The following ZPBP variants were observed in gnomAD, a reference collection of about 807,000 sequenced individuals.
ZPBP encodes the protein zona pellucida binding protein, also known as zona pellucida-binding protein 1.
ZPBP carries 26 observed loss-of-function variants against 44.8 expected under a neutral mutation model. The observed-to-expected ratio is 0.58, with a 90% CI of 0.43 to 0.81. ZPBP has a LOEUF of 0.81. ZPBP is among the 30% of genes least tolerant of loss of function. ZPBP has a pLI of 0.00. For synonymous variants in ZPBP, 174 were observed against 153.2 expected (o/e 1.14, Z -1.00); for missense variants, 409 against 434.0 (o/e 0.94, Z 0.51).
intron 4 of ZPBP, among the ~76,000 whole-genome samples, chr7:50,045,801 A>G (rs534074659): frequency 6.6e-6 from 1 of 152,208 alleles, no homozygotes; most frequent in Non-Finnish European, 1.5e-5. Context: ...AGCTACTTTA[A>G]ATTTCATATG....
chr7:49,978,642 T>G lies in ZPBP; in HGVS notation c.961+4700A>C, dbSNP rs747689353. ...TCTGGACAGAAGTTGTTTCATGAGA[T>G]ACCTCATATATTTTGTGAGCTCATC... On this transcript the variant is annotated intron_variant, in intron 7 of 7. Transcript: ENST00000046087. 1.1e-3 allele frequency among the ~76,000 whole-genome samples: 160 copies of G among 152,152 alleles called. 2 individuals are homozygous for G. The highest frequency in any genetic ancestry group is 4.7e-4 in the Non-Finnish European group (32 of 67,912).
chr7:49,882,365 G>A (rs933070358), intron 2 of ZPBP, among the ~76,000 whole-genome samples: 1 of 152,090 alleles, frequency 6.6e-6, no homozygotes, highest in Admixed American at 6.6e-5. Flanking sequence ...AAACATATCA[G>A]TATTTCACGT....
At chr7:50,038,648 C>G (rs542580698) in intron 4 of ZPBP, among the ~76,000 whole-genome samples, 4 of 152,308 alleles carry the variant, frequency 2.6e-5, no homozygotes, top group Admixed American at 1.3e-4. Context: ...CAACTTCACC[C>G]CAGAGTTGCT....
At chr7:50,030,721 C>T (rs963808507) in intron 5 of ZPBP, among the ~76,000 whole-genome samples, 5 of 152,108 alleles carry the variant, frequency 3.3e-5, no homozygotes, top group African/African-American at 9.7e-5. Flanking sequence ...CTCTACTCCA[C>T]ATTATTAAGA....
chr7:50,051,752 T>C (rs766889552), intron 4 of ZPBP, among the ~76,000 whole-genome samples: 67 of 152,050 alleles, frequency 4.4e-4, no homozygotes, highest in Non-Finnish European at 4.0e-4. Flanking sequence ...AAGTGGGAGC[T>C]GAACAATGAG....
At chr7:50,009,922 A>C (rs974228309) in intron 6 of ZPBP, among the ~76,000 whole-genome samples, 1 of 152,136 alleles carries the variant, frequency 6.6e-6, no homozygotes, top group South Asian at 2.1e-4. Context: ...ATTACATACA[A>C]ACTTATTAAA....
intron 3 of ZPBP, among the ~76,000 whole-genome samples, chr7:50,071,366 C>A (rs1337928624): frequency 6.6e-6 from 1 of 152,116 alleles, no homozygotes; most frequent in Non-Finnish European, 1.5e-5. Context: ...AACTTGAGTG[C>A]CTGCAAACCT....
At chr7:49,922,184 T>C (rs1235803249) in intron 1 of ZPBP, among the ~76,000 whole-genome samples, 1 of 152,212 alleles carries the variant, frequency 6.6e-6, no homozygotes, top group Non-Finnish European at 1.5e-5. Context: ...GTAGCATCTA[T>C]AATATAATAT....
At chr7:50,000,772 T>C (rs563750273) in intron 6 of ZPBP, among the ~76,000 whole-genome samples, 1 of 152,314 alleles carries the variant, frequency 6.6e-6, no homozygotes, top group East Asian at 1.9e-4. Context: ...TATATTTTGA[T>C]GACCCAAGCT....
At chr7:49,870,963 C>T (rs1791124273) in intron 2 of ZPBP, among the ~76,000 whole-genome samples, 4 of 152,080 alleles carry the variant, frequency 2.6e-5, no homozygotes, top group Admixed American at 2.6e-4. Context: ...AGAAGAAGAC[C>T]CCTTTGCACA....
At chr7:49,984,839 A>G (rs1311813402) in intron 6 of ZPBP, among the ~76,000 whole-genome samples, 1 of 152,166 alleles carries the variant, frequency 6.6e-6, no homozygotes, top group Non-Finnish European at 1.5e-5. Flanking sequence ...TTTTATATAT[A>G]TGCAAATACA....
intron 4 of ZPBP, among the ~76,000 whole-genome samples, chr7:50,038,895 T>C (rs1380354304): frequency 6.6e-6 from 1 of 152,194 alleles, no homozygotes; most frequent in Non-Finnish European, 1.5e-5. Flanking sequence ...ACGTGTGCAG[T>C]AAGCTATACC....
chr7:49,976,817 G>A (rs1220017898), intron 7 of ZPBP, among the ~76,000 whole-genome samples: 2 of 151,998 alleles, frequency 1.3e-5, no homozygotes, highest in South Asian at 2.1e-4. Flanking sequence ...GAAAATAAAC[G>A]TATCGGCCGG....
intron 4 of ZPBP, among the ~76,000 whole-genome samples, chr7:50,051,336 G>A (rs1221918106): frequency 2.0e-5 from 3 of 152,182 alleles, no homozygotes; most frequent in Admixed American, 6.5e-5. Context: ...CTGTTGCTGG[G>A]AGTGTAAATT....
At chr7:49,862,677 C>T (rs1790703749) in intron 2 of ZPBP, among the ~76,000 whole-genome samples, 1 of 150,532 alleles carries the variant, frequency 6.6e-6, no homozygotes, top group Non-Finnish European at 1.5e-5. Context: ...TATAATAGAT[C>T]ATTGGATTTT....
intron 4 of ZPBP, among the ~76,000 whole-genome samples, chr7:50,039,855 TACAG>T (rs143675975): frequency 0.25 from 37,284 of 151,924 alleles, 5,637 homozygotes; most frequent in Non-Finnish European, 0.35. Context: ...TACCATAAAA[TACAG>T]ACAAACAGAA....
chr7:49,897,921 A>T (rs1007501021), intron 2 of ZPBP, among the ~76,000 whole-genome samples: 3 of 152,166 alleles, frequency 2.0e-5, no homozygotes, highest in African/African-American at 7.2e-5. Context: ...CACTTCTTGC[A>T]GGGGGAGGGG....
chr7:49,912,131 A>G, intron 1 of ZPBP: 1 of 1,614,190 alleles, frequency 6.2e-7, no homozygotes, highest in Non-Finnish European at 8.5e-7. Flanking sequence ...AGGAAGGCAC[A>G]TGGAGAATCG....
At chr7:49,871,354 T>C (rs1791141450) in intron 2 of ZPBP, among the ~76,000 whole-genome samples, 1 of 152,302 alleles carries the variant, frequency 6.6e-6, no homozygotes, top group African/African-American at 2.4e-5. Context: ...GTATATCCCA[T>C]GGTTTTCTTT....
Sources: gnomAD v4.1 joint callset for allele counts (sites outside exome capture counted in the v4.1 genomes callset) on GRCh38, gnomAD v4.1.1 for gene constraint, MANE v1.5 for transcripts, NCBI Gene and HGNC (gene_info 2026-07-23, HGNC 2026-07-21) for gene names.